Variants in MAGI1 observed in about 807,000 individuals in gnomAD.
MAGI1 encodes membrane associated guanylate kinase, WW and PDZ domain containing 1, also known as membrane-associated guanylate kinase, WW and PDZ domain-containing protein 1.
A neutral mutation model predicts 139.9 loss-of-function variants in MAGI1; 58 were observed. The observed-to-expected ratio is 0.41, with a 90% CI of 0.34 to 0.52. The LOEUF (loss-of-function observed/expected upper bound fraction) is 0.52. Ranked by LOEUF, MAGI1 falls within the 20% of genes least tolerant of loss-of-function variation. The pLI is 0.12. For missense variants in MAGI1, 1,874 were observed against 1,901.6 expected, an observed-to-expected ratio of 0.99 and a Z score of 0.27; for synonymous variants, 812 against 737.9, an observed-to-expected ratio of 1.10 and a Z score of -1.63.
At chr3:65,515,371 A>G (rs1437162737) in intron 2 of MAGI1, among the ~76,000 whole-genome samples, 2 of 152,190 alleles carry the variant, frequency 1.3e-5, no homozygotes, top group Non-Finnish European at 2.9e-5. Context: ...AATGTTGTGC[A>G]AGAATTTTTT....
chr3:65,955,633 C>T (rs2064086610), intron 1 of MAGI1, among the ~76,000 whole-genome samples: 1 of 151,976 alleles, frequency 6.6e-6, no homozygotes, highest in Non-Finnish European at 1.5e-5. Context: ...TTTGCCTTTC[C>T]ATCCTTGAAA....
At chr3:65,812,466 T>A (rs539960003) in intron 1 of MAGI1, among the ~76,000 whole-genome samples, 11,759 of 87,094 alleles carry the variant, frequency 0.14, 890 homozygotes, top group African/African-American at 0.28. Context: ...TCTCTCTCTC[T>A]CTCACACACA....
intron 1 of MAGI1, among the ~76,000 whole-genome samples, chr3:65,670,348 GTA>G (rs35439311): frequency 6.7e-6 from 1 of 150,052 alleles, no homozygotes. Context: ...TGCCATGTGT[GTA>G]TATATATATA....
intron 4 of MAGI1, among the ~76,000 whole-genome samples, chr3:65,475,304 C>A (rs775584451): frequency 1.8e-4 from 28 of 152,136 alleles, no homozygotes; most frequent in Non-Finnish European, 3.8e-4. Context: ...ACCTCTGCCT[C>A]CGGGGTTCAA....
chr3:65,442,919 G>T, intron 7 of MAGI1, 70 bp from the exon 8 acceptor site: 1 of 1,155,222 alleles, frequency 8.7e-7, no homozygotes, highest in South Asian at 1.3e-5. Context: ...TTCAACAACT[G>T]AGTTAGGCAA....
intron 1 of MAGI1, among the ~76,000 whole-genome samples, chr3:65,844,835 A>C (rs942270634): frequency 6.6e-6 from 1 of 152,186 alleles, no homozygotes; most frequent in Non-Finnish European, 1.5e-5. Flanking sequence ...ATCACCCACT[A>C]AAGGACACCC....
chr3:65,425,485 G>A (rs140861923), intron 12 of MAGI1, among the ~76,000 whole-genome samples: 1 of 152,142 alleles, frequency 6.6e-6, no homozygotes, highest in East Asian at 1.9e-4. Context: ...GAGCCAGAAT[G>A]GAGTGCCTGA....
chr3:65,930,377 C>T (rs1156433514), intron 1 of MAGI1, among the ~76,000 whole-genome samples: 1 of 149,546 alleles, frequency 6.7e-6, no homozygotes, highest in Non-Finnish European at 1.5e-5. Flanking sequence ...CAAGGTCTTT[C>T]CATTGTGTCT....
chr3:65,399,745 A>G (rs1944703895), intron 13 of MAGI1, among the ~76,000 whole-genome samples: 2 of 152,218 alleles, frequency 1.3e-5, no homozygotes, highest in South Asian at 4.1e-4. Flanking sequence ...GACTTGGTGA[A>G]TGCAGGTTCA....
At chr3:65,987,530 C>T (rs1037382165) in intron 1 of MAGI1, among the ~76,000 whole-genome samples, 1 of 152,106 alleles carries the variant, frequency 6.6e-6, no homozygotes, top group African/African-American at 2.4e-5. Context: ...TTAAGAGGCA[C>T]CAAAACCCTC....
At chr3:65,357,599 T>C (rs1940311619) in intron 22 of MAGI1, among the ~76,000 whole-genome samples, 1 of 151,944 alleles carries the variant, frequency 6.6e-6, no homozygotes, top group African/African-American at 2.4e-5. Flanking sequence ...ATTTAGGGTA[T>C]TGATGTGAAG....
At chr3:65,888,011 C>A (rs550790282) in intron 1 of MAGI1, among the ~76,000 whole-genome samples, 1 of 152,126 alleles carries the variant, frequency 6.6e-6, no homozygotes, top group Non-Finnish European at 1.5e-5. Flanking sequence ...ATGGTATATT[C>A]TGTGTTTCAT....
chr3:65,640,526 C>T (rs572416695), intron 1 of MAGI1, among the ~76,000 whole-genome samples: 3 of 152,114 alleles, frequency 2.0e-5, no homozygotes, highest in Non-Finnish European at 4.4e-5. Flanking sequence ...TCAGAAAAAG[C>T]GACAAAGCTC....
At chr3:65,393,106 T>C (rs1238971975) in intron 13 of MAGI1, among the ~76,000 whole-genome samples, 1 of 152,204 alleles carries the variant, frequency 6.6e-6, no homozygotes, top group Non-Finnish European at 1.5e-5. Context: ...TCAGATTTGG[T>C]TGCCATTCCA....
chr3:65,580,163 G>A (rs2081352159), intron 2 of MAGI1, among the ~76,000 whole-genome samples: 1 of 151,982 alleles, frequency 6.6e-6, no homozygotes, highest in Non-Finnish European at 1.5e-5. Context: ...TTAAAATGAA[G>A]CAAACTCTCC....
chr3:65,398,838 A>G (rs538028833), intron 13 of MAGI1, among the ~76,000 whole-genome samples: 2 of 152,296 alleles, frequency 1.3e-5, no homozygotes, highest in South Asian at 4.1e-4. Flanking sequence ...CATTGTCCCC[A>G]ATGAGTATAT....
chr3:65,414,268 T>A (rs1349648847), intron 12 of MAGI1, among the ~76,000 whole-genome samples: 1 of 152,222 alleles, frequency 6.6e-6, no homozygotes, highest in Non-Finnish European at 1.5e-5. Context: ...GGTGCTCGGT[T>A]CACCCCATTT....
chr3:66,029,415 A>G (rs2068477150), intron 1 of MAGI1, among the ~76,000 whole-genome samples: 1 of 152,226 alleles, frequency 6.6e-6, no homozygotes, highest in Non-Finnish European at 1.5e-5. Context: ...TTAAACAGAC[A>G]CACAAATGCC....
intron 7 of MAGI1, among the ~76,000 whole-genome samples, chr3:65,444,166 G>T (rs1053827387): frequency 3.9e-5 from 6 of 152,152 alleles, no homozygotes; most frequent in African/African-American, 1.4e-4. Flanking sequence ...AAGTTTTAAA[G>T]AAGTCTTTGA....
Sources: gnomAD v4.1 joint callset for allele counts (sites outside exome capture counted in the v4.1 genomes callset) on GRCh38, gnomAD v4.1.1 for gene constraint, MANE v1.5 for transcripts, NCBI Gene and HGNC (gene_info 2026-07-23, HGNC 2026-07-21) for gene names.